ZNF385D: variants seen among roughly 807,000 people sequenced by gnomAD.
ZNF385D encodes the protein zinc finger protein 659.
ZNF385D carries 15 observed loss-of-function variants against 35.8 expected under a neutral mutation model. The observed-to-expected ratio is 0.42, with a 90% CI of 0.28 to 0.64. The LOEUF (loss-of-function observed/expected upper bound fraction) is 0.64. ZNF385D is among the 30% of genes least tolerant of loss of function. The probability of loss-of-function intolerance (pLI) is 0.23; values close to 1 mark genes in which losing one functional copy is unlikely to be tolerated. For missense variants in ZNF385D, 474 were observed against 494.6 expected (o/e 0.96, Z 0.39); for synonymous variants, 212 against 186.8 (o/e 1.13, Z -1.10).
At chr3:22,184,253 C>G (rs2125784035) in intron 2 of ZNF385D, among the ~76,000 whole-genome samples, 1 of 152,246 alleles carries the variant, frequency 6.6e-6, no homozygotes, top group African/African-American at 2.4e-5. Flanking sequence ...TCCTGGCCCA[C>G]TTGGAAAAGT....
At chr3:21,658,147 G>A (rs932101821) in intron 2 of ZNF385D, among the ~76,000 whole-genome samples, 7 of 151,980 alleles carry the variant, frequency 4.6e-5, no homozygotes, top group Admixed American at 2.6e-4. Flanking sequence ...TGCTGTCTTA[G>A]AGTCCTAAAA....
rs368555930 is a variant in ZNF385D at position 21,608,012 on chromosome 3, C to CTTTTTTTTTTTTTT, written c.166-43329_166-43328insAAAAAAAAAAAAAA. 3.9e-4 allele frequency among the ~76,000 whole-genome samples: 48 copies of CTTTTTTTTTTTTTT among 123,946 alleles called. 2 individuals carry two copies. The highest frequency in any genetic ancestry group is 1.3e-3 in the African/African-American group (43 of 31,982). The allele number at this position is 123,946 out of a possible 152,430, so 81.3% of individuals were successfully genotyped here. ...ATGAAAAGATGTAATTCTTTTTCTT[C>CTTTTTTTTTTTTTT]TTTTTTTTTTGTTTTTTTTTTTTGA... On this transcript the variant is annotated intron_variant, in intron 2 of 7. Coordinates refer to ENST00000281523, the MANE Select transcript of ZNF385D (RefSeq NM_024697.3).
intron 3 of ZNF385D, among the ~76,000 whole-genome samples, chr3:21,778,126 C>T (rs1056223515): frequency 6.6e-6 from 1 of 151,900 alleles, no homozygotes; most frequent in Admixed American, 6.6e-5. Flanking sequence ...AACATACACA[C>T]TCAATGCAAA....
At chr3:22,038,116 T>C (rs921680165) in intron 3 of ZNF385D, among the ~76,000 whole-genome samples, 1 of 152,172 alleles carries the variant, frequency 6.6e-6, no homozygotes, top group Admixed American at 6.5e-5. Context: ...GCACATGAAA[T>C]TGAACTCCAT....
chr3:21,597,939 A>C (rs926839897), intron 2 of ZNF385D, among the ~76,000 whole-genome samples: 2 of 152,152 alleles, frequency 1.3e-5, no homozygotes, highest in African/African-American at 4.8e-5. Context: ...GCAGCACTTA[A>C]TGGGTGTAGA....
At chr3:21,594,861 T>A (rs1428468514) in intron 2 of ZNF385D, among the ~76,000 whole-genome samples, 2 of 152,186 alleles carry the variant, frequency 1.3e-5, no homozygotes, top group African/African-American at 4.8e-5. Context: ...GAACCCATGA[T>A]AATTATAAAC....
In ZNF385D at chr3:21,882,722, A is replaced by C. The variant is rs988226150; in HGVS notation, c.326-217694T>G. On this transcript the variant is annotated intron_variant, in intron 3 of 5. Transcript: ENST00000494108. ...CCCGATTCTCAAACATGATAGTCTG[A>C]GAAACAGCTAGTAATAATTTAGCTT... Among the ~76,000 whole-genome samples the C allele has an allele frequency of 2.0e-5, 3 of 152,018 alleles. No homozygotes were observed. In the East Asian group the frequency reaches 5.8e-4, roughly 29 times the overall value.
At chr3:22,217,456 G>A (rs1697959497) in intron 2 of ZNF385D, among the ~76,000 whole-genome samples, 1 of 152,040 alleles carries the variant, frequency 6.6e-6, no homozygotes, top group Admixed American at 6.6e-5. Flanking sequence ...TTAATACAGA[G>A]GTGCACTTCA....
intron 2 of ZNF385D, among the ~76,000 whole-genome samples, chr3:21,580,610 A>C (rs1379945784): frequency 6.6e-6 from 1 of 152,054 alleles, no homozygotes; most frequent in Non-Finnish European, 1.5e-5. Flanking sequence ...GAAAAGTATA[A>C]TGATGTATGG....
At chr3:22,371,294 C>G (rs943281262) in intron 2 of ZNF385D, among the ~76,000 whole-genome samples, 9 of 152,152 alleles carry the variant, frequency 5.9e-5, no homozygotes, top group African/African-American at 2.2e-4. Context: ...TTTCACAGAC[C>G]AGCTAGCAAA....
chr3:21,853,956 G>A (rs1052491291), intron 3 of ZNF385D, among the ~76,000 whole-genome samples: 1 of 151,712 alleles, frequency 6.6e-6, no homozygotes, highest in African/African-American at 2.4e-5. Flanking sequence ...TGACGGAAAA[G>A]GAAAATAATT....
chr3:22,106,549 A>T (rs978396285), intron 3 of ZNF385D, among the ~76,000 whole-genome samples: 12 of 152,060 alleles, frequency 7.9e-5, no homozygotes, highest in African/African-American at 2.9e-4. Context: ...GCTCCTGGGC[A>T]TCTGATTTGA....
At chr3:22,251,492 T>C (rs1700063040) in intron 2 of ZNF385D, among the ~76,000 whole-genome samples, 2 of 152,144 alleles carry the variant, frequency 1.3e-5, no homozygotes, top group Admixed American at 1.3e-4. Flanking sequence ...TGGCTATTCA[T>C]AATTTTACAG....
At chr3:21,701,390 A>G (rs1195270997) in intron 1 of ZNF385D, among the ~76,000 whole-genome samples, 1 of 152,136 alleles carries the variant, frequency 6.6e-6, no homozygotes, top group East Asian at 1.9e-4. Context: ...TGAGAATAGC[A>G]CGGGAAAGAC....
intron 3 of ZNF385D, among the ~76,000 whole-genome samples, chr3:22,155,933 C>A (rs1464203221): frequency 1.3e-5 from 2 of 151,754 alleles, no homozygotes; most frequent in Non-Finnish European, 2.9e-5. Flanking sequence ...TTCAGATACC[C>A]CAGGGTAAAA....
chr3:21,492,478 C>T (rs868300905), intron 4 of ZNF385D, among the ~76,000 whole-genome samples: 100 of 149,764 alleles, frequency 6.7e-4, no homozygotes, highest in African/African-American at 1.9e-3. Flanking sequence ...TACTACTCTT[C>T]GTATTACTAA....
At chr3:22,198,935 T>C (rs545508655) in intron 2 of ZNF385D, among the ~76,000 whole-genome samples, 3 of 152,232 alleles carry the variant, frequency 2.0e-5, no homozygotes, top group African/African-American at 7.2e-5. Context: ...TGAATGGAAT[T>C]GCTGTACATT....
chr3:21,554,646 A>C (rs2062673129), intron 3 of ZNF385D, among the ~76,000 whole-genome samples: 1 of 152,112 alleles, frequency 6.6e-6, no homozygotes, highest in African/African-American at 2.4e-5. Flanking sequence ...CTTCCAATAG[A>C]ATGCTCTTTG....
chr3:21,469,962 A>G (rs531253186), intron 4 of ZNF385D, among the ~76,000 whole-genome samples: 1 of 152,340 alleles, frequency 6.6e-6, no homozygotes, highest in South Asian at 2.1e-4. Flanking sequence ...AAAAGGACTA[A>G]GGATATATCT....
Sources: gnomAD v4.1 joint callset for allele counts (sites outside exome capture counted in the v4.1 genomes callset) on GRCh38, gnomAD v4.1.1 for gene constraint, MANE v1.5 for transcripts, NCBI Gene and HGNC (gene_info 2026-07-23, HGNC 2026-07-21) for gene names.